PRUNE2: variants seen among roughly 807,000 people sequenced by gnomAD.
The protein encoded by PRUNE2 is prune homolog 2 with BCH domain, also known as protein prune homolog 2.
A neutral mutation model predicts 252.0 loss-of-function variants in PRUNE2; 164 were observed. The ratio of observed to expected loss-of-function variants is 0.65; its 90% CI spans 0.57 to 0.74. The LOEUF (loss-of-function observed/expected upper bound fraction) is 0.74. Among genes scored for constraint, PRUNE2 ranks in the 30% least tolerant of loss-of-function variants. The probability of loss-of-function intolerance (pLI) is 0.00; values close to 1 mark genes in which losing one functional copy is unlikely to be tolerated. For synonymous variants in PRUNE2, 1,292 were observed against 1,350.2 expected, an observed-to-expected ratio of 0.96 and a Z score of 0.94; for missense variants, 3,495 against 3,711.0, an observed-to-expected ratio of 0.94 and a Z score of 1.51.
At position 76,756,504 on chromosome 9, in the gene PRUNE2, C is replaced by T. The variant is rs532991710; in HGVS notation, c.757-42783G>A. ...GTCGCAACTAGGAACCAGGCGCTGG[C>T]TTTCCATCCTAACATTTGAATGCTT... On this transcript the variant is annotated intron_variant, in intron 6 of 18. Transcript: ENST00000376718. Among the ~76,000 whole-genome samples, 17 of 152,360 alleles carry T rather than the reference C, an allele frequency of 1.1e-4. No homozygotes were observed. In the South Asian group the frequency reaches 3.3e-3, roughly 30 times the overall value.
At chr9:76,775,110 G>A (rs1345572335) in intron 6 of PRUNE2, among the ~76,000 whole-genome samples, 1 of 152,136 alleles carries the variant, frequency 6.6e-6, no homozygotes, top group East Asian at 1.9e-4. Context: ...GAACCGAATA[G>A]GACCAGACAG....
chr9:76,686,814 T>G (rs2134345615), intron 9 of PRUNE2, among the ~76,000 whole-genome samples: 1 of 152,224 alleles, frequency 6.6e-6, no homozygotes, highest in Middle Eastern at 3.4e-3. Flanking sequence ...CCTAGGCTGG[T>G]CTCAAACTCT....
chr9:76,884,405 CA>C (rs2061971298), intron 1 of PRUNE2, among the ~76,000 whole-genome samples: 1 of 152,184 alleles, frequency 6.6e-6, no homozygotes, highest in Non-Finnish European at 1.5e-5. Flanking sequence ...ATCTTCACAA[CA>C]AACTTCTGAA....
chr9:76,772,818 C>T (rs1445616206), intron 6 of PRUNE2, among the ~76,000 whole-genome samples: 2 of 152,158 alleles, frequency 1.3e-5, no homozygotes, highest in Non-Finnish European at 2.9e-5. Flanking sequence ...CCCATCTTGG[C>T]CTCCCACAGT....
Position 76,708,838 on chromosome 9 carries a change from C to T in PRUNE2, c.3436G>A (p.Ala1146Thr). Residue 1146 changes from alanine to threonine, a missense_variant, in exon 8 of 19, where the codon GCA becomes ACA. Transcript: ENST00000376718. ...LDWDDCSGGA[A>T]IPSDGQTEGY... The stretch of plus-strand genomic sequence containing the variant: ...TCTGTTTGACCATCACTGGGGATTG[C>T]CGCACCCCCACTGCAGTCATCCCAG... The T allele has an allele frequency of 1.9e-6, 3 of 1,613,896 alleles. No individual in the cohort carries two copies. The highest frequency in any genetic ancestry group is 2.5e-6 in the Non-Finnish European group (3 of 1,179,886).
At chr9:76,775,370 C>T (rs1365883862) in intron 6 of PRUNE2, among the ~76,000 whole-genome samples, 1 of 152,100 alleles carries the variant, frequency 6.6e-6, no homozygotes, top group African/African-American at 2.4e-5. Context: ...GATCACAGTT[C>T]ACTGCAGCCT....
chr9:76,876,733 T>G (rs2061496869), intron 1 of PRUNE2, among the ~76,000 whole-genome samples: 1 of 152,158 alleles, frequency 6.6e-6, no homozygotes, highest in Non-Finnish European at 1.5e-5. Flanking sequence ...CTTCCCACAC[T>G]AGTTTTAAAA....
intron 6 of PRUNE2, chr9:76,760,027 A>G (rs1437908008): frequency 2.0e-5 from 3 of 152,284 alleles, no homozygotes; most frequent in Non-Finnish European, 4.4e-5. Context: ...TCCTTTGTAC[A>G]CTAACATAAT....
In PRUNE2 at chr9:76,763,381, T is replaced by C. The variant is rs564276957; in HGVS notation, c.757-49660A>G. On this transcript the variant is annotated intron_variant, in intron 6 of 18. Coordinates refer to ENST00000376718, the MANE Select transcript of PRUNE2 (RefSeq NM_015225.3). ...AAGTATTAATAGGCTTTGCAGTAAG[T>C]GTAGTCATCTAAGTGAGCCATAACA... 3.7e-4 allele frequency among the ~76,000 whole-genome samples: 56 copies of C among 152,304 alleles called. No individual in the cohort carries two copies. In the South Asian group the frequency reaches 6.4e-3, roughly 17 times the overall value.
At chr9:76,738,934 A>G (rs1212376863) in intron 6 of PRUNE2, 1 of 152,220 alleles carries the variant, frequency 6.6e-6, no homozygotes, top group Non-Finnish European at 1.5e-5. Flanking sequence ...CATAGAGCAC[A>G]TTAACCTTTC....
At chr9:76,816,911 T>C (rs528246293) in intron 6 of PRUNE2, among the ~76,000 whole-genome samples, 2 of 152,382 alleles carry the variant, frequency 1.3e-5, no homozygotes, top group South Asian at 4.1e-4. Context: ...CCAATCCTTC[T>C]TTCCATAATC....
rs1406410458 is a variant in PRUNE2, at chr9:76,707,634, C to A, written c.4640G>T (p.Ser1547Ile). The A allele has an allele frequency of 6.2e-7, 1 of 1,613,900 alleles. No homozygotes were observed. The highest frequency in any genetic ancestry group is 2.2e-5 in the East Asian group (1 of 44,866). The change falls in exon 8 of 19, where the codon AGT becomes ATT. Residue 1547 changes from serine to isoleucine, a missense_variant. Transcript: ENST00000376718. ...SSEYTHSSAS[S>I]PELNDSSVAL... is the part of the protein sequence containing the mutation. ...AACTGAAGAGTCATTTAACTCAGGACTTGATGCACTTGAATGAGTATACTC... is the reference window on the plus strand; with the variant it reads ...AACTGAAGAGTCATTTAACTCAGGAATTGATGCACTTGAATGAGTATACTC...
intron 12 of PRUNE2, among the ~76,000 whole-genome samples, chr9:76,641,666 T>C (rs1023998748): frequency 6.6e-5 from 10 of 152,086 alleles, no homozygotes; most frequent in African/African-American, 2.4e-4. Context: ...AAACATTTCT[T>C]TCATTAGACT....
intron 6 of PRUNE2, among the ~76,000 whole-genome samples, chr9:76,767,838 T>C (rs2052588866): frequency 6.6e-6 from 1 of 152,216 alleles, no homozygotes; most frequent in Non-Finnish European, 1.5e-5. Context: ...TCCTTTTCGG[T>C]GTTTTCAGCA....
Position 76,746,636 on chromosome 9 carries a change from C to T in PRUNE2, c.757-32915G>A, listed in dbSNP as rs184994801. 2.1e-3 allele frequency among the ~76,000 whole-genome samples: 293 copies of T among 139,762 alleles called. 1 individual carries two copies. The highest frequency in any genetic ancestry group is 7.4e-3 in the African/African-American group (279 of 37,576). 91.7% of individuals were successfully genotyped at this position (139,762 alleles called of 152,430 possible). On this transcript the variant is annotated intron_variant, in intron 6 of 18. Transcript: ENST00000376718. ...AGGAGAATGGCGTGAACCCGGGAAG[C>T]GGAGCTTGCAGTGAGCCGAGATTGC...
At chr9:76,807,051 T>TGTGTGC (rs60768420) in intron 6 of PRUNE2, among the ~76,000 whole-genome samples, 143 of 139,450 alleles carry the variant, frequency 1.0e-3, no homozygotes, top group African/African-American at 3.2e-3. Flanking sequence ...TGTGTGTGTG[T>TGTGTGC]GCGCGCGCGC....
chr9:76,731,292 ATCTATCTATCTATCTATC>A (rs1331115957), intron 6 of PRUNE2, among the ~76,000 whole-genome samples: 4 of 98,918 alleles, frequency 4.0e-5, no homozygotes, highest in East Asian at 4.0e-4. Context: ...CTATCTATCT[ATCTATCTATCTATCTATC>A]TATATATATA....
chr9:76,728,308 C>A (rs917091070), intron 6 of PRUNE2, among the ~76,000 whole-genome samples: 1 of 152,050 alleles, frequency 6.6e-6, no homozygotes, highest in Non-Finnish European at 1.5e-5. Flanking sequence ...ACATCTCAAT[C>A]CATTCTCAAC....
At chr9:76,641,890 T>TACAC (rs879249866) in intron 12 of PRUNE2, 96 of 1,450,460 alleles carry the variant, frequency 6.6e-5, no homozygotes, top group Non-Finnish European at 8.6e-5. Flanking sequence ...AACCAAAACA[T>TACAC]ACACACACAC....
Sources: gnomAD v4.1 joint callset for allele counts (sites outside exome capture counted in the v4.1 genomes callset) on GRCh38, gnomAD v4.1.1 for gene constraint, MANE v1.5 for transcripts, NCBI Gene and HGNC (gene_info 2026-07-23, HGNC 2026-07-21) for gene names.